The following CDH13 variants were observed in gnomAD, a reference collection of about 807,000 sequenced individuals.
The protein encoded by CDH13 is cadherin 13.
CDH13 carries 24 observed loss-of-function variants against 63.8 expected under a neutral mutation model. The observed-to-expected ratio is 0.38, with a 90% confidence interval of 0.27 to 0.53. The LOEUF is 0.53. Ranked by LOEUF, CDH13 falls within the 20% of genes least tolerant of loss-of-function variation. The pLI is 0.85. For synonymous variants in CDH13, 503 were observed against 355.3 expected (o/e 1.42, Z -4.67); for missense variants, 1,049 against 903.1 (o/e 1.16, Z -2.07).
At position 82,961,572 on chromosome 16, in the gene CDH13, T is replaced by TTAAAAAA. The variant is rs774564311; in HGVS notation, c.158-70438_158-70437insTAAAAAA. ...TGTCCATAAGAATAAGCAGGGGACT[T>TTAAAAAA]AAAAAAAAAAAAAAAAAAAAAAAAC... On this transcript the variant is annotated intron_variant, in intron 2 of 13. Transcript: ENST00000567109. 5.4e-3 allele frequency among the ~76,000 whole-genome samples: 553 copies of TTAAAAAA among 103,344 alleles called. 6 individuals carry two copies. The highest frequency in any genetic ancestry group is 0.021 in the African/African-American group (520 of 24,886). The allele number at this position is 103,344 out of a possible 152,430, so 67.8% of individuals were successfully genotyped here.
chr16:83,683,742 T>G (rs77843722), intron 10 of CDH13, among the ~76,000 whole-genome samples: 2,519 of 152,348 alleles, frequency 0.017, 84 homozygotes, highest in African/African-American at 0.058. Context: ...CTGAAAATAC[T>G]TTGGTTGAGC....
chr16:82,825,037 C>T (rs1391193080), intron 1 of CDH13: 1 of 152,058 alleles, frequency 6.6e-6, no homozygotes, highest in Non-Finnish European at 1.5e-5. Context: ...TGGATGTGTG[C>T]TCAGGTGAGC....
chr16:82,974,064 G>A (rs867564697), intron 2 of CDH13, among the ~76,000 whole-genome samples: 2 of 151,892 alleles, frequency 1.3e-5, no homozygotes, highest in African/African-American at 2.4e-5. Flanking sequence ...CTGGGATTAC[G>A]GGCACCCACT....
At position 83,331,562 on chromosome 16, in the gene CDH13, T is replaced by G. The variant is rs2090481282; in HGVS notation, c.637-13300T>G. ...AAGTTACAATCTTAAAATAAAAACC[T>G]TATTGATTTCTTTTTTAACTTTGAA... On this transcript the variant is annotated intron_variant, in intron 5 of 13. Coordinates refer to ENST00000567109, the MANE Select transcript of CDH13 (RefSeq NM_001257.5). 2.0e-5 allele frequency among the ~76,000 whole-genome samples: 3 copies of G among 152,224 alleles called. 1 individual carries two copies. The South Asian group carries it at 6.2e-4, about 32-fold the overall frequency.
chr16:83,198,271 A>G (rs758065473), intron 4 of CDH13, among the ~76,000 whole-genome samples: 2 of 151,746 alleles, frequency 1.3e-5, no homozygotes, highest in Non-Finnish European at 2.9e-5. Context: ...TAGTCTCCTC[A>G]TGATTTCTTT....
In CDH13 at chr16:83,800,098, T is replaced by G. The variant is rs1904309660; in HGVS notation, c.*5068T>G. ...TGAGCTTGATACGCCTTTGAACCAT[T>G]TTATTTGACTTTCCACGTGCCGTCT... On this transcript the variant is annotated 3_prime_UTR_variant, in exon 14 of 14. Coordinates refer to ENST00000567109, the MANE Select transcript of CDH13 (RefSeq NM_001257.5). 6.6e-6 allele frequency: 1 copy of G among 152,188 alleles called. No homozygotes were observed. The allele number at this position is 152,188 out of a possible 1,614,324, so 9.4% of individuals were successfully genotyped here.
chr16:83,184,103 CACACACACACACACACACACACAT>C (rs2038434934), intron 4 of CDH13, among the ~76,000 whole-genome samples: 1 of 146,598 alleles, frequency 6.8e-6, no homozygotes, highest in Non-Finnish European at 1.5e-5. Flanking sequence ...CACACACACA[CACACACACACACACACACACACAT>C]ACACACACAC....
chr16:83,257,224 C>G (rs984793731), intron 5 of CDH13, among the ~76,000 whole-genome samples: 2 of 152,002 alleles, frequency 1.3e-5, no homozygotes, highest in African/African-American at 4.8e-5. Flanking sequence ...GACAAAGAGA[C>G]AGAATATACA....
At chr16:83,460,229 T>C (rs1208903255) in intron 6 of CDH13, among the ~76,000 whole-genome samples, 1 of 152,262 alleles carries the variant, frequency 6.6e-6, no homozygotes, top group Admixed American at 6.5e-5. Context: ...TTGGTAAATA[T>C]TAAGCCTAGA....
chr16:83,135,543 A>G (rs1006906081), intron 4 of CDH13, among the ~76,000 whole-genome samples: 1 of 152,160 alleles, frequency 6.6e-6, no homozygotes. Context: ...GTCACCTGCA[A>G]TTGTACCAGG....
chr16:82,877,529 A>G (rs925206733), intron 2 of CDH13, among the ~76,000 whole-genome samples: 1 of 152,162 alleles, frequency 6.6e-6, no homozygotes, highest in African/African-American at 2.4e-5. Flanking sequence ...GCATTTCCCA[A>G]ACTTCTGTCT....
chr16:83,074,806 A>G (rs1432611152), intron 3 of CDH13, among the ~76,000 whole-genome samples: 1 of 152,214 alleles, frequency 6.6e-6, no homozygotes, highest in East Asian at 1.9e-4. Flanking sequence ...TGAGTTCCTG[A>G]TAAATAGTCC....
intron 1 of CDH13, among the ~76,000 whole-genome samples, chr16:82,717,549 C>T (rs561839058): frequency 1.3e-5 from 2 of 151,506 alleles, no homozygotes; most frequent in East Asian, 3.9e-4. Flanking sequence ...GAGGAGATTC[C>T]ATTGCTGGAC....
chr16:83,249,885 C>T (rs930331289), intron 5 of CDH13, among the ~76,000 whole-genome samples: 2 of 152,212 alleles, frequency 1.3e-5, no homozygotes, highest in East Asian at 3.9e-4. Flanking sequence ...GATAGCTTCT[C>T]ATGATGGTCC....
intron 6 of CDH13, among the ~76,000 whole-genome samples, chr16:83,450,550 A>T (rs2072858766): frequency 6.6e-6 from 1 of 152,174 alleles, no homozygotes; most frequent in Non-Finnish European, 1.5e-5. Flanking sequence ...AACGGAAAAA[A>T]ATGTGAAAAT....
intron 8 of CDH13, among the ~76,000 whole-genome samples, chr16:83,620,431 A>C (rs922896425): frequency 6.6e-6 from 1 of 150,894 alleles, no homozygotes; most frequent in Non-Finnish European, 1.5e-5. Flanking sequence ...GGAACATTCC[A>C]AGACTCAGAG....
At chr16:83,648,739 T>C (rs1365527181) in intron 8 of CDH13, among the ~76,000 whole-genome samples, 1 of 152,204 alleles carries the variant, frequency 6.6e-6, no homozygotes, top group African/African-American at 2.4e-5. Flanking sequence ...TATCATTCTA[T>C]CTTTATTCTC....
chr16:83,398,749 G>T (rs1485627654), intron 6 of CDH13, among the ~76,000 whole-genome samples: 1 of 152,188 alleles, frequency 6.6e-6, no homozygotes, highest in Admixed American at 6.5e-5. Context: ...CAAAGAGAGA[G>T]AAAATAATAC....
At chr16:83,535,873 G>C (rs570117986) in intron 7 of CDH13, among the ~76,000 whole-genome samples, 84 of 149,858 alleles carry the variant, frequency 5.6e-4, no homozygotes, top group African/African-American at 1.9e-3. Context: ...AGGAAGGAGA[G>C]AGGAAGAGAA....
Sources: gnomAD v4.1 joint callset for allele counts (sites outside exome capture counted in the v4.1 genomes callset) on GRCh38, gnomAD v4.1.1 for gene constraint, MANE v1.5 for transcripts, NCBI Gene and HGNC (gene_info 2026-07-23, HGNC 2026-07-21) for gene names.